Variants in FNBP1 observed in about 807,000 individuals in gnomAD.
FNBP1 encodes the protein formin-binding protein 1.
FNBP1 carries 26 observed loss-of-function variants against 90.6 expected under a neutral mutation model. The observed-to-expected ratio is 0.29, with a 90% confidence interval of 0.21 to 0.40. FNBP1 has a LOEUF of 0.40. Ranked by LOEUF, FNBP1 falls within the 10% of genes least tolerant of loss-of-function variation. The pLI is 1.00. For synonymous variants in FNBP1, 260 were observed against 265.2 expected (o/e 0.98, Z 0.19); for missense variants, 635 against 768.0 (o/e 0.83, Z 2.05).
chr9:129,969,314 A>T (rs1449431057), intron 4 of FNBP1, among the ~76,000 whole-genome samples: 1 of 152,212 alleles, frequency 6.6e-6, no homozygotes, highest in African/African-American at 2.4e-5. Context: ...ACCATAAATC[A>T]TGTATGTTTA....
intron 4 of FNBP1, among the ~76,000 whole-genome samples, chr9:129,965,788 G>GGGAA (rs2048508600): frequency 7.4e-6 from 1 of 135,536 alleles, no homozygotes; most frequent in Non-Finnish European, 1.6e-5. Context: ...GAGGGAAGGA[G>GGGAA]GGAGGGAGGG....
chr9:129,944,510 C>T (rs929250446), intron 6 of FNBP1, among the ~76,000 whole-genome samples: 10 of 149,852 alleles, frequency 6.7e-5, no homozygotes, highest in African/African-American at 2.5e-4. Flanking sequence ...CCCCGCACTC[C>T]AGCCTGGCAA....
At chr9:129,982,284 A>G (rs957908590) in intron 2 of FNBP1, among the ~76,000 whole-genome samples, 3 of 152,160 alleles carry the variant, frequency 2.0e-5, no homozygotes, top group Non-Finnish European at 2.9e-5. Context: ...CAGCCTGACC[A>G]ACATGGTGAA....
intron 1 of FNBP1, among the ~76,000 whole-genome samples, chr9:130,005,062 CAAAAAAAAAAA>C (rs573686773): frequency 1.4e-4 from 13 of 92,784 alleles, no homozygotes; most frequent in Admixed American, 1.3e-4. Flanking sequence ...AAGACTGTCT[CAAAAAAAAAAA>C]AAAAAAAAAA....
At chr9:129,958,221 C>A (rs2047236272) in intron 5 of FNBP1, among the ~76,000 whole-genome samples, 1 of 151,982 alleles carries the variant, frequency 6.6e-6, no homozygotes, top group Non-Finnish European at 1.5e-5. Context: ...CACTTCAGGG[C>A]AGGAGTTCAA....
chr9:130,026,210 A>G (rs1453386104), intron 1 of FNBP1, among the ~76,000 whole-genome samples: 1 of 152,092 alleles, frequency 6.6e-6, no homozygotes, highest in Non-Finnish European at 1.5e-5. Flanking sequence ...GAATGAGAAA[A>G]TTGGCCAGGC....
intron 4 of FNBP1, among the ~76,000 whole-genome samples, chr9:129,977,821 C>T (rs769538188): frequency 6.6e-6 from 1 of 151,810 alleles, no homozygotes; most frequent in Non-Finnish European, 1.5e-5. Context: ...ACCATTTATT[C>T]CACAGAGCAT....
intron 4 of FNBP1, among the ~76,000 whole-genome samples, chr9:129,959,087 A>G (rs530000288): frequency 6.6e-6 from 1 of 151,376 alleles, no homozygotes; most frequent in African/African-American, 2.4e-5. Flanking sequence ...ACTTGGGGGG[A>G]AAAAAAGCAG....
At chr9:130,046,580 C>CAAAAAAAAA (rs56392821), upstream of FNBP1, among the ~76,000 whole-genome samples, 377 of 66,762 alleles carry the variant, frequency 5.6e-3, no homozygotes, top group African/African-American at 8.7e-3. Context: ...ACTAAAAATA[C>CAAAAAAAAA]AAAAAAAAAA....
chr9:129,942,069 CAA>C (rs538638816), intron 6 of FNBP1, among the ~76,000 whole-genome samples: 2 of 116,464 alleles, frequency 1.7e-5, no homozygotes, highest in African/African-American at 3.1e-5. Flanking sequence ...ACTCTGTCTC[CAA>C]AAAAAAAAAA....
chr9:129,906,307 T>C (rs1441254661), intron 12 of FNBP1, among the ~76,000 whole-genome samples: 4 of 152,234 alleles, frequency 2.6e-5, no homozygotes, highest in Non-Finnish European at 5.9e-5. Flanking sequence ...TACTCAATTT[T>C]GAAAATGTTC....
chr9:130,028,258 T>C (rs1009615317), intron 1 of FNBP1, among the ~76,000 whole-genome samples: 1 of 152,268 alleles, frequency 6.6e-6, no homozygotes, highest in Non-Finnish European at 1.5e-5. Context: ...GTCCCACATG[T>C]GAAGTATCTC....
chr9:129,928,748 TG>T (rs979732194), intron 7 of FNBP1, among the ~76,000 whole-genome samples: 9 of 152,154 alleles, frequency 5.9e-5, no homozygotes, highest in Non-Finnish European at 1.2e-4. Flanking sequence ...GCAAAGTTAT[TG>T]ATTAATCTTG....
rs972757389 is a variant in FNBP1, at chr9:129,895,350, T to C, written c.1846+488A>G. On this transcript the variant is annotated intron_variant, in intron 16 of 16. Coordinates refer to ENST00000446176, the MANE Select transcript of FNBP1 (RefSeq NM_015033.3). ...TGACTTCCTCCCAAGTGAATGAGTATACAATTTAACAAACTAACACAGTTC... is the reference window on the plus strand; with the variant it reads ...TGACTTCCTCCCAAGTGAATGAGTACACAATTTAACAAACTAACACAGTTC... 3 of 1,069,614 alleles carry C rather than the reference T, an allele frequency of 2.8e-6. No homozygotes were observed. The African/African-American group carries it at 4.9e-5, about 18-fold the overall frequency. The allele number at this position is 1,069,614 out of a possible 1,614,324, so 66.3% of individuals were successfully genotyped here.
At chr9:130,050,113 T>C in the FNBP1 span, among the ~76,000 whole-genome samples, 53 of 152,352 alleles carry the variant, frequency 3.5e-4, no homozygotes, top group African/African-American at 1.0e-3. Flanking sequence ...GATTTTTTCT[T>C]CTTCAAAATT....
intron 4 of FNBP1, among the ~76,000 whole-genome samples, chr9:129,969,890 T>TG (rs1213535391): frequency 1.1e-3 from 2 of 1,892 alleles, no homozygotes; most frequent in African/African-American, 2.4e-3. Context: ...TATTCCTAAC[T>TG]TTTTTTTTTT....
intron 16 of FNBP1, 159 bp downstream of exon 16, chr9:129,895,679 G>A (rs2035590014): frequency 1.6e-6 from 2 of 1,287,316 alleles, no homozygotes; most frequent in East Asian, 6.1e-5. Flanking sequence ...CAGGTGCCCA[G>A]ACCCTGAAGT....
At chr9:130,048,489 T>C in the FNBP1 span, among the ~76,000 whole-genome samples, 1 of 104,814 alleles carries the variant, frequency 9.5e-6, no homozygotes, top group South Asian at 3.4e-4. Flanking sequence ...AGCCTCAGTT[T>C]CCTTTTTTTT....
At chr9:129,897,062 T>C (rs953174953) in intron 15 of FNBP1, among the ~76,000 whole-genome samples, 3 of 152,182 alleles carry the variant, frequency 2.0e-5, no homozygotes, top group African/African-American at 7.2e-5. Context: ...TGAAACAACA[T>C]AGATGAACCT....
Sources: allele counts gnomAD v4.1 joint callset (sites outside exome capture counted in the v4.1 genomes callset), GRCh38; gene constraint gnomAD v4.1.1; transcripts MANE v1.5; gene names NCBI Gene and HGNC (gene_info 2026-07-23, HGNC 2026-07-21).